PCDHA10: variants seen among roughly 807,000 people sequenced by gnomAD.
PCDHA10 encodes the protein protocadherin alpha-10.
In PCDHA10, 45 loss-of-function variants were observed where a neutral mutation model predicts 61.2. The observed-to-expected ratio is 0.74, with a 90% CI of 0.58 to 0.94. The LOEUF (loss-of-function observed/expected upper bound fraction) is 0.94. PCDHA10 is among the 40% of genes least tolerant of loss of function. The pLI, the probability that PCDHA10 is intolerant of heterozygous loss-of-function variation, is 0.00. For missense variants in PCDHA10, 1,278 were observed against 1,236.2 expected (o/e 1.03, Z -0.51); for synonymous variants, 602 against 548.8 (o/e 1.10, Z -1.35).
At chr5:140,894,503 T>C (rs934592222) in intron 1 of PCDHA10, among the ~76,000 whole-genome samples, 1 of 152,016 alleles carries the variant, frequency 6.6e-6, no homozygotes. Context: ...TTAGGCATTA[T>C]CCATAGTGTT....
Position 140,856,274 on chromosome 5 carries a change from G to T in PCDHA10, c.226G>T (p.Val76Leu). Reference sequence around the variant, plus strand: ...CAAAAGACACGGGGACCTTCTGGAGGTAAATCTGCAGAATGGCATTTTGTT... The same window carrying T: ...CAAAAGACACGGGGACCTTCTGGAGTTAAATCTGCAGAATGGCATTTTGTT... ...ASKRHGDLLE[V>L]NLQNGILFVN... The change falls in exon 1 of 4, where the codon GTA becomes TTA. Residue 76 changes from valine to leucine, a missense_variant. Coordinates refer to ENST00000307360, the MANE Select transcript of PCDHA10 (RefSeq NM_018901.4). The T allele has an allele frequency of 6.3e-7, 1 of 1,598,358 alleles. No homozygotes were observed. The highest frequency in any genetic ancestry group is 8.6e-7 in the Non-Finnish European group (1 of 1,167,988).
intron 1 of PCDHA10, among the ~76,000 whole-genome samples, chr5:140,933,231 A>G (rs1488760874): frequency 4.6e-5 from 7 of 152,008 alleles, no homozygotes; most frequent in Non-Finnish European, 1.0e-4. Context: ...GCATTTATGA[A>G]AAAGAAAGGA....
intron 3 of PCDHA10, among the ~76,000 whole-genome samples, chr5:141,005,923 G>A (rs1424300772): frequency 6.6e-6 from 1 of 151,914 alleles, no homozygotes; most frequent in East Asian, 1.9e-4. Context: ...CTTCAGCCTG[G>A]TTGACAGAGT....
chr5:140,936,016 C>G (rs1170221921), intron 1 of PCDHA10, among the ~76,000 whole-genome samples: 1 of 151,732 alleles, frequency 6.6e-6, no homozygotes, highest in Non-Finnish European at 1.5e-5. Context: ...CCTCAGCCTC[C>G]CGAGTAGCGG....
intron 1 of PCDHA10, among the ~76,000 whole-genome samples, chr5:140,937,290 G>C (rs890693007): frequency 3.3e-5 from 5 of 152,076 alleles, no homozygotes; most frequent in Non-Finnish European, 7.4e-5. Flanking sequence ...ACCCGCTTCG[G>C]CCTCCCAAAG....
chr5:140,901,148 CA>C (rs1244292469), intron 1 of PCDHA10, among the ~76,000 whole-genome samples: 17 of 152,076 alleles, frequency 1.1e-4, no homozygotes, highest in Non-Finnish European at 2.4e-4. Context: ...TATTTTCTCT[CA>C]ATCTGTGGGT....
At chr5:140,935,908 T>TG (rs2090628873) in intron 1 of PCDHA10, among the ~76,000 whole-genome samples, 1 of 151,636 alleles carries the variant, frequency 6.6e-6, no homozygotes, top group Non-Finnish European at 1.5e-5. Context: ...TTTTTTTTTT[T>TG]TTGAGACAGA....
intron 1 of PCDHA10, chr5:140,875,904 A>G: frequency 1.9e-6 from 3 of 1,614,194 alleles, no homozygotes; most frequent in Non-Finnish European, 2.5e-6. Context: ...CTGTTTCTGA[A>G]TCTGCGCCTC....
chr5:140,993,939 T>C (rs1449633283), intron 3 of PCDHA10, among the ~76,000 whole-genome samples: 5 of 152,198 alleles, frequency 3.3e-5, no homozygotes, highest in Non-Finnish European at 7.3e-5. Context: ...ATATCCCCAT[T>C]GTTAAGTGAT....
chr5:140,862,713 C>T, intron 1 of PCDHA10: 1 of 561,970 alleles, frequency 1.8e-6, no homozygotes. Flanking sequence ...AGCGGGTGGG[C>T]GAGTGCGCGC....
chr5:140,891,345 G>T (rs2063056241), intron 1 of PCDHA10, among the ~76,000 whole-genome samples: 1 of 151,958 alleles, frequency 6.6e-6, no homozygotes, highest in Admixed American at 6.6e-5. Context: ...AGATTTTGGT[G>T]CATCCATCAC....
chr5:140,909,945 A>C (rs540241627), intron 1 of PCDHA10, among the ~76,000 whole-genome samples: 3 of 152,316 alleles, frequency 2.0e-5, no homozygotes, highest in Non-Finnish European at 4.4e-5. Context: ...ACTCTGGTAA[A>C]AAGCCGTAGG....
At chr5:140,888,959 A>G (rs1554183707) in intron 1 of PCDHA10, among the ~76,000 whole-genome samples, 1 of 152,024 alleles carries the variant, frequency 6.6e-6, no homozygotes, top group African/African-American at 2.4e-5. Flanking sequence ...TTCTTTGGCA[A>G]TGTTAATGTG....
intron 1 of PCDHA10, among the ~76,000 whole-genome samples, chr5:140,874,511 C>G (rs1376439369): frequency 4.6e-5 from 7 of 152,212 alleles, no homozygotes; most frequent in Admixed American, 3.9e-4. Flanking sequence ...ATTCTCTTGA[C>G]TTTAGTCAAT....
chr5:140,988,817 C>T (rs1244038207), intron 3 of PCDHA10: 8 of 152,028 alleles, frequency 5.3e-5, no homozygotes, highest in Admixed American at 1.3e-4. Context: ...TAACAGTAGC[C>T]CCAAACAGAG....
intron 1 of PCDHA10, chr5:140,871,599 TG>T (rs1554165773): frequency 6.9e-7 from 1 of 1,447,790 alleles, no homozygotes; most frequent in Admixed American, 2.7e-5. Flanking sequence ...GAATAACCAG[TG>T]TTTTGAATAT....
chr5:141,011,822 A>G lies in PCDHA10; in HGVS notation c.*1885A>G, dbSNP rs181852141. 7 of 153,844 alleles carry G rather than the reference A, an allele frequency of 4.6e-5. No homozygotes were observed. The highest frequency in any genetic ancestry group is 1.4e-4 in the African/African-American group (6 of 41,546). The allele number at this position is 153,844 out of a possible 1,614,324, so 9.5% of individuals were successfully genotyped here. A position where few individuals can be genotyped will look rare whatever the true frequency, so the allele number is the denominator to read the frequency against. On this transcript the variant is annotated 3_prime_UTR_variant, in exon 4 of 4. Transcript: ENST00000307360. ...ATATCAGCTCATAGAAAGTAACAAA[A>G]TTTGCTGTCACCTTAAATAAGACAT...
In PCDHA10 at chr5:140,876,419, A is replaced by G. The variant is rs2056334313; in HGVS notation, c.2388+17983A>G. On this transcript the variant is annotated intron_variant, in intron 1 of 3. Coordinates refer to ENST00000307360, the MANE Select transcript of PCDHA10 (RefSeq NM_018901.4). Reference sequence around the variant, plus strand: ...CTGGATTTTGAAGAGAATAATGCCTATGAAATTCAGGTTAACGCCATTGAT... The same window carrying G: ...CTGGATTTTGAAGAGAATAATGCCTGTGAAATTCAGGTTAACGCCATTGAT... 2.5e-6 allele frequency: 4 copies of G among 1,613,984 alleles called. No homozygotes were observed. In the East Asian group the frequency reaches 6.7e-5, roughly 27 times the overall value.
intron 1 of PCDHA10, chr5:140,882,011 ATAC>A (rs1437092618): frequency 3.8e-6 from 2 of 531,314 alleles, no homozygotes; most frequent in Admixed American, 3.8e-5. Flanking sequence ...GGGCAAAAAA[ATAC>A]TACATCAATG....
Sources: gnomAD v4.1 joint callset for allele counts (sites outside exome capture counted in the v4.1 genomes callset) on GRCh38, gnomAD v4.1.1 for gene constraint, MANE v1.5 for transcripts, NCBI Gene and HGNC (gene_info 2026-07-23, HGNC 2026-07-21) for gene names.